CSMD1: variants seen among roughly 807,000 people sequenced by gnomAD.
CSMD1 encodes CUB and Sushi multiple domains 1.
Under a neutral mutation model 417.5 loss-of-function variants are expected in CSMD1, and 213 were observed. The observed-to-expected ratio is 0.51, with a 90% CI of 0.46 to 0.57. The LOEUF is 0.57. CSMD1 is among the 20% of genes least tolerant of loss of function. CSMD1 has a pLI of 0.00. For missense variants in CSMD1, 6,923 were observed against 4,529.7 expected, an observed-to-expected ratio of 1.53 and a Z score of -15.17; for synonymous variants, 2,862 against 1,736.8, an observed-to-expected ratio of 1.65 and a Z score of -16.11.
intron 3 of CSMD1, among the ~76,000 whole-genome samples, chr8:4,274,202 G>A (rs1261766735): frequency 1.3e-5 from 2 of 152,080 alleles, no homozygotes; most frequent in Admixed American, 1.3e-4. Flanking sequence ...AACCAGAGAA[G>A]AAAATAGTTT....
At chr8:4,359,841 C>G (rs1384155092) in intron 3 of CSMD1, among the ~76,000 whole-genome samples, 2 of 152,216 alleles carry the variant, frequency 1.3e-5, no homozygotes, top group South Asian at 2.1e-4. Context: ...CTGTCGGAAG[C>G]AAGACTCAGT....
chr8:4,642,850 T>G (rs1330514360), intron 1 of CSMD1, among the ~76,000 whole-genome samples: 1 of 152,202 alleles, frequency 6.6e-6, no homozygotes, highest in Non-Finnish European at 1.5e-5. Context: ...TTTTGACATG[T>G]AATTGGGTTT....
intron 7 of CSMD1, among the ~76,000 whole-genome samples, chr8:3,664,112 A>G (rs1444800342): frequency 1.3e-5 from 2 of 152,172 alleles, no homozygotes; most frequent in Non-Finnish European, 2.9e-5. Context: ...CACATGTGCC[A>G]TGTTGGTTTG....
intron 7 of CSMD1, among the ~76,000 whole-genome samples, chr8:3,702,510 A>G (rs767181577): frequency 6.6e-6 from 1 of 152,208 alleles, no homozygotes; most frequent in Non-Finnish European, 1.5e-5. Flanking sequence ...AGAAGAAGAA[A>G]TGACAGGTAC....
chr8:3,423,147 T>A (rs1187376979), intron 12 of CSMD1, among the ~76,000 whole-genome samples: 1 of 152,190 alleles, frequency 6.6e-6, no homozygotes, highest in Non-Finnish European at 1.5e-5. Flanking sequence ...TTTTAAATAA[T>A]CAGTTTAATT....
intron 3 of CSMD1, among the ~76,000 whole-genome samples, chr8:4,041,093 T>A (rs576747778): frequency 7.0e-6 from 1 of 142,846 alleles, no homozygotes; most frequent in Non-Finnish European, 1.5e-5. Context: ...CTCGGCTCAC[T>A]GCAAGCTCCG....
intron 1 of CSMD1, among the ~76,000 whole-genome samples, chr8:4,844,798 G>C (rs1440443246): frequency 6.6e-6 from 1 of 152,102 alleles, no homozygotes; most frequent in East Asian, 1.9e-4. Flanking sequence ...ACTGACAAAA[G>C]TTTTCTCATT....
chr8:4,890,281 T>C (rs1804024139), intron 1 of CSMD1, among the ~76,000 whole-genome samples: 2 of 152,150 alleles, frequency 1.3e-5, no homozygotes, highest in Admixed American at 6.5e-5. Flanking sequence ...AAACGAGAAA[T>C]GCAAATGTCT....
chr8:2,997,695 T>A lies in CSMD1; in HGVS notation c.8377+316A>T, dbSNP rs76215231. On this transcript the variant is annotated intron_variant, in intron 54 of 69. Coordinates refer to ENST00000635120, the MANE Select transcript of CSMD1 (RefSeq NM_033225.6). ...AAAGACAGTCATAAAATTAGAAGCA[T>A]AATGGCCCCCAAATGCTAACTATAC... 3.5e-3 allele frequency among the ~76,000 whole-genome samples: 538 copies of A among 152,276 alleles called. 3 individuals are homozygous for A. The highest frequency in any genetic ancestry group is 0.012 in the African/African-American group (496 of 41,548).
chr8:3,179,183 G>C (rs760006879), intron 37 of CSMD1, among the ~76,000 whole-genome samples: 22 of 151,866 alleles, frequency 1.4e-4, no homozygotes, highest in Non-Finnish European at 2.9e-4. Context: ...CTGACCTCGT[G>C]ATCTGCCCGC....
chr8:3,131,692 G>C (rs1166813562), intron 41 of CSMD1, among the ~76,000 whole-genome samples: 1 of 151,928 alleles, frequency 6.6e-6, no homozygotes, highest in Non-Finnish European at 1.5e-5. Context: ...GGCTGGTCTT[G>C]AACTCCTGAC....
Position 3,926,834 on chromosome 8 carries a change from G to C in CSMD1, c.818+71069C>G, listed in dbSNP as rs3096610. On this transcript the variant is annotated intron_variant, in intron 5 of 69. Coordinates refer to ENST00000635120, the MANE Select transcript of CSMD1 (RefSeq NM_033225.6). ...GGGTTCAAGCAATTCCCCTGCCTCAGACTCCCAAGTAGCTGGGATTACAGG... is the reference window on the plus strand; with the variant it reads ...GGGTTCAAGCAATTCCCCTGCCTCACACTCCCAAGTAGCTGGGATTACAGG... Among the ~76,000 whole-genome samples the C allele has an allele frequency of 1.6e-3, 237 of 147,296 alleles. 1 individual carries two copies. Among genetic ancestry groups the C allele is most frequent in the African/African-American group, 5.7e-3 (227 of 39,814 alleles).
At chr8:4,445,171 G>C (rs556127147) in intron 2 of CSMD1, among the ~76,000 whole-genome samples, 55 of 152,244 alleles carry the variant, frequency 3.6e-4, no homozygotes, top group African/African-American at 1.2e-3. Flanking sequence ...AGAAGAATCT[G>C]ACACCTTTTT....
chr8:4,477,277 C>T (rs1292760317), intron 2 of CSMD1, among the ~76,000 whole-genome samples: 1 of 152,116 alleles, frequency 6.6e-6, no homozygotes, highest in Non-Finnish European at 1.5e-5. Flanking sequence ...AAGGTGTGGA[C>T]GGTGGAGGCT....
intron 2 of CSMD1, among the ~76,000 whole-genome samples, chr8:4,566,627 TG>T (rs1209258056): frequency 5.2e-5 from 6 of 116,062 alleles, no homozygotes; most frequent in Non-Finnish European, 9.7e-5. Flanking sequence ...CACTCCAGCC[TG>T]GGTGACAGAG....
In CSMD1 at chr8:4,898,567, G is replaced by A. The variant is rs1221713138; in HGVS notation, c.85+95765C>T. Among the ~76,000 whole-genome samples, 9 of 152,148 alleles carry A rather than the reference G, an allele frequency of 5.9e-5. No homozygotes were observed. The South Asian group carries it at 1.0e-3, about 18-fold the overall frequency. On this transcript the variant is annotated intron_variant, in intron 1 of 69. Transcript: ENST00000635120. ...TTCTTTTAAATCCAAGGGTGAGCATGGCTCACAAATCATATCCTAGTTCTT... is the reference window on the plus strand; with the variant it reads ...TTCTTTTAAATCCAAGGGTGAGCATAGCTCACAAATCATATCCTAGTTCTT...
intron 10 of CSMD1, among the ~76,000 whole-genome samples, chr8:3,498,545 C>A (rs867750636): frequency 6.6e-6 from 1 of 152,114 alleles, no homozygotes; most frequent in Non-Finnish European, 1.5e-5. Flanking sequence ...ACATATTTCT[C>A]CAAAAATTTG....
intron 3 of CSMD1, among the ~76,000 whole-genome samples, chr8:4,350,291 T>C (rs1033713044): frequency 3.9e-5 from 6 of 152,216 alleles, no homozygotes; most frequent in Non-Finnish European, 7.3e-5. Flanking sequence ...TGCAGGTGAC[T>C]GTGCTGTCTA....
At chr8:4,241,567 G>A (rs1802403600) in intron 3 of CSMD1, among the ~76,000 whole-genome samples, 1 of 152,048 alleles carries the variant, frequency 6.6e-6, no homozygotes. Flanking sequence ...CACAAAAGAT[G>A]GACACAGCGG....
Sources: allele counts gnomAD v4.1 joint callset (sites outside exome capture counted in the v4.1 genomes callset), GRCh38; gene constraint gnomAD v4.1.1; transcripts MANE v1.5; gene names NCBI Gene and HGNC (gene_info 2026-07-23, HGNC 2026-07-21).